Variants in CBL observed in about 807,000 individuals in gnomAD.
CBL encodes the protein Cbl proto-oncogene, also known as E3 ubiquitin-protein ligase CBL.
Under a neutral mutation model 96.9 loss-of-function variants are expected in CBL, and 45 were observed. That is an observed-to-expected ratio of 0.46 (90% CI 0.37 to 0.60). CBL has a LOEUF of 0.60. CBL is among the 20% of genes least tolerant of loss of function. CBL has a pLI of 0.00. For synonymous variants in CBL, 420 were observed against 426.8 expected, an observed-to-expected ratio of 0.98 and a Z score of 0.20; for missense variants, 1,024 against 1,143.5, an observed-to-expected ratio of 0.90 and a Z score of 1.51.
At chr11:119,235,616 G>C (rs894684396) in intron 2 of CBL, among the ~76,000 whole-genome samples, 3 of 152,078 alleles carry the variant, frequency 2.0e-5, no homozygotes, top group Admixed American at 6.5e-5. Flanking sequence ...ATAGGTGGAG[G>C]GGGTGGAAGG....
chr11:119,300,998 G>T lies in CBL; in HGVS notation c.*1217G>T, dbSNP rs1950098054. The T allele has an allele frequency of 4.3e-6, 1 of 234,372 alleles. No individual in the cohort carries two copies. Among genetic ancestry groups the T allele is most frequent in the African/African-American group, 2.2e-5 (1 of 45,378 alleles). 14.5% of individuals were successfully genotyped at this position (234,372 alleles called of 1,614,324 possible). On this transcript the variant is annotated 3_prime_UTR_variant, in exon 16 of 16. Transcript: ENST00000264033. ...ATATTAGGTTATATTTTCAGCAGTG[G>T]TTTTTTCCTTTGCCCTTTAAGGAGT...
intron 2 of CBL, among the ~76,000 whole-genome samples, chr11:119,264,468 T>TTC (rs1949784644): frequency 2.8e-5 from 4 of 144,832 alleles, no homozygotes; most frequent in Admixed American, 7.0e-5. Flanking sequence ...TTCTCTTTTC[T>TTC]TCTTTTCTCT....
At chr11:119,285,595 C>G in intron 11 of CBL, 29 bp downstream of exon 11, 1 of 1,610,214 alleles carries the variant, frequency 6.2e-7, no homozygotes, top group Non-Finnish European at 8.5e-7. Flanking sequence ...ACTATCTAAC[C>G]TGTTAAGAAA....
At chr11:119,244,485 T>G (rs1949609824) in intron 2 of CBL, among the ~76,000 whole-genome samples, 1 of 151,882 alleles carries the variant, frequency 6.6e-6, no homozygotes, top group Non-Finnish European at 1.5e-5. Context: ...TGGCACAATC[T>G]TGGCTCACCG....
chr11:119,298,209 A>G (rs2135320740), intron 14 of CBL, 149 bp from the exon 15 acceptor site: 2 of 747,380 alleles, frequency 2.7e-6, no homozygotes, highest in South Asian at 1.5e-5. Flanking sequence ...ATCTCTGTTT[A>G]CATGGTGTTT....
intron 9 of CBL, among the ~76,000 whole-genome samples, chr11:119,279,419 G>A (rs1317453733): frequency 6.6e-6 from 1 of 152,022 alleles, no homozygotes; most frequent in Non-Finnish European, 1.5e-5. Context: ...GCCAAGGCTG[G>A]AGGATCAGTT....
At position 119,299,895 on chromosome 11, in the gene CBL, C is replaced by T. The variant is rs757118561; in HGVS notation, c.*114C>T. 1.5e-5 allele frequency: 15 copies of T among 983,086 alleles called. No homozygotes were observed. Among genetic ancestry groups the T allele is most frequent in the Non-Finnish European group, 2.1e-5 (13 of 619,134 alleles). 60.9% of individuals were successfully genotyped at this position (983,086 alleles called of 1,614,324 possible). ...TGACTTCACAGTGAAGTCTTGCCCTCTCTGTGGGATATCACATCAGTGGTT... is the reference window on the plus strand; with the variant it reads ...TGACTTCACAGTGAAGTCTTGCCCTTTCTGTGGGATATCACATCAGTGGTT... On this transcript the variant is annotated 3_prime_UTR_variant, in exon 16 of 16. Transcript: ENST00000264033.
Position 119,206,513 on chromosome 11 carries a change from C to T in CBL, c.96C>T (p.Ala32=), listed in dbSNP as rs1296624833. 1 of 1,559,928 alleles carries T rather than the reference C, an allele frequency of 6.4e-7. No individual in the cohort carries two copies. The highest frequency in any genetic ancestry group is 1.4e-5 in the African/African-American group (1 of 73,630). The part of the protein sequence containing the change: ...SGGLIGLMKD[A]FQPHHHHHHH... Reference sequence around the variant, plus strand: ...GCCTGATTGGGCTCATGAAGGACGCCTTCCAGCCGCACCACCACCACCACC... The same window carrying T: ...GCCTGATTGGGCTCATGAAGGACGCTTTCCAGCCGCACCACCACCACCACC... Residue 32 remains alanine, a synonymous_variant, in exon 1 of 16, where the codon GCC becomes GCT. Coordinates refer to ENST00000264033, the MANE Select transcript of CBL (RefSeq NM_005188.4).
chr11:119,211,654 C>G (rs73566715), intron 1 of CBL, among the ~76,000 whole-genome samples: 2,433 of 151,960 alleles, frequency 0.016, 59 homozygotes, highest in African/African-American at 0.055. Context: ...CAGGTGCCCA[C>G]CAGCACACCC....
At chr11:119,272,155 T>C (rs1949853534) in intron 3 of CBL, among the ~76,000 whole-genome samples, 1 of 152,214 alleles carries the variant, frequency 6.6e-6, no homozygotes, top group South Asian at 2.1e-4. Flanking sequence ...GGAGTCTTGC[T>C]CTGTTGCCCA....
chr11:119,298,673 A>G, intron 15 of CBL, 133 bp downstream of exon 15: 1 of 820,580 alleles, frequency 1.2e-6, no homozygotes. Flanking sequence ...AATGGGAGGA[A>G]AGTCCCAAGT....
chr11:119,206,362 C>A lies in CBL; in HGVS notation c.-56C>A, dbSNP rs957254023. ...TCCTTCACGCCCTGCTTCTCTCCCTCGCTCGCAGTCGAGCCGAGCCGGCGG... is the reference window on the plus strand; with the variant it reads ...TCCTTCACGCCCTGCTTCTCTCCCTAGCTCGCAGTCGAGCCGAGCCGGCGG... On this transcript the variant is annotated 5_prime_UTR_variant, in exon 1 of 16. Coordinates refer to ENST00000264033, the MANE Select transcript of CBL (RefSeq NM_005188.4). The A allele has an allele frequency of 3.7e-6, 5 of 1,357,684 alleles. No individual in the cohort carries two copies. The Admixed American group carries it at 8.1e-5, about 22-fold the overall frequency. The allele number at this position is 1,357,684 out of a possible 1,614,324, so 84.1% of individuals were successfully genotyped here. A position where few individuals can be genotyped will look rare whatever the true frequency, so the allele number is the denominator to read the frequency against.
intron 1 of CBL, among the ~76,000 whole-genome samples, chr11:119,211,915 T>C (rs1949321974): frequency 6.6e-6 from 1 of 152,082 alleles, no homozygotes; most frequent in Non-Finnish European, 1.5e-5. Context: ...TTTATTTTTA[T>C]TTTATTTTTT....
intron 1 of CBL, among the ~76,000 whole-genome samples, chr11:119,224,901 G>A (rs1274523858): frequency 6.6e-6 from 1 of 151,916 alleles, no homozygotes; most frequent in Admixed American, 6.6e-5. Context: ...GGAGGCAAGG[G>A]GGCAGGCACA....
At chr11:119,277,390 G>GA (rs889618596) in intron 6 of CBL, among the ~76,000 whole-genome samples, 35 of 151,636 alleles carry the variant, frequency 2.3e-4, no homozygotes, top group African/African-American at 8.2e-4. Flanking sequence ...GAGTCGTTTT[G>GA]AAAAAAACAA....
At chr11:119,226,337 G>A (rs1949458364) in intron 1 of CBL, among the ~76,000 whole-genome samples, 2 of 152,152 alleles carry the variant, frequency 1.3e-5, no homozygotes, top group Non-Finnish European at 2.9e-5. Flanking sequence ...GAAATGAGAA[G>A]GGGAGCTAAC....
intron 1 of CBL, among the ~76,000 whole-genome samples, chr11:119,220,887 A>G (rs756243226): frequency 3.5e-4 from 53 of 151,704 alleles, no homozygotes; most frequent in Non-Finnish European, 1.2e-4. Context: ...TGATGGGGCT[A>G]TTGTCTAGTG....
chr11:119,294,987 G>T (rs552608706), intron 12 of CBL, among the ~76,000 whole-genome samples: 1 of 152,224 alleles, frequency 6.6e-6, no homozygotes, highest in Admixed American at 6.5e-5. Context: ...TACATATTCT[G>T]TTGCAATGAT....
At position 119,285,240 on chromosome 11, in the gene CBL, C is replaced by T; in HGVS notation, c.1615C>T (p.Leu539Phe). The change falls in exon 11 of 16, where the codon CTT becomes TTT. Residue 539 changes from leucine (L) to phenylalanine (F), a missense_variant. This residue lies in a region of CBL where 695 missense variants were observed against 661.6 expected (regional missense o/e 1.05). Coordinates refer to ENST00000264033, the MANE Select transcript of CBL (RefSeq NM_005188.4). Reference protein sequence around the residue: ...KDKPLPVPPTLRDLPPPPPPD... With the variant: ...KDKPLPVPPTFRDLPPPPPPD... ...CAAACCATTGCCAGTACCTCCCACA[C>T]TTCGAGATCTTCCACCACCACCGCC... 6.2e-7 allele frequency: 1 copy of T among 1,614,196 alleles called. No homozygotes were observed. The highest frequency in any genetic ancestry group is 8.5e-7 in the Non-Finnish European group (1 of 1,180,032).
Sources: gnomAD v4.1 joint callset for allele counts (sites outside exome capture counted in the v4.1 genomes callset) on GRCh38, gnomAD v4.1.1 for gene constraint, gnomAD v4.1.1 regional missense constraint, MANE v1.5 for transcripts, NCBI Gene and HGNC (gene_info 2026-07-23, HGNC 2026-07-21) for gene names.